NSD2: variants seen among roughly 807,000 people sequenced by gnomAD.
The protein encoded by NSD2 is histone-lysine N-methyltransferase NSD2.
Under a neutral mutation model 139.0 loss-of-function variants are expected in NSD2, and 12 were observed. The ratio of observed to expected loss-of-function variants is 0.09; its 90% CI spans 0.06 to 0.14. The LOEUF is 0.14. Among genes scored for constraint, NSD2 ranks in the 10% least tolerant of loss-of-function variants. The pLI, the probability that NSD2 is intolerant of heterozygous loss-of-function variation, is 1.00. For synonymous variants in NSD2, 669 were observed against 648.7 expected (o/e 1.03, Z -0.48); for missense variants, 1,155 against 1,745.0 (o/e 0.66, Z 6.02).
chr4:1,975,530 C>A (rs1443725636), intron 20 of NSD2, 130 bp downstream of exon 20: 1 of 747,896 alleles, frequency 1.3e-6, no homozygotes, highest in African/African-American at 1.7e-5. Context: ...GAGCAAGTTC[C>A]CTGCTGTGGG....
chr4:1,876,582 C>G (rs548483418), intron 1 of NSD2, among the ~76,000 whole-genome samples: 1 of 152,022 alleles, frequency 6.6e-6, no homozygotes, highest in Non-Finnish European at 1.5e-5. Context: ...GTCCCAGATA[C>G]TTGGGTGGCT....
intron 5 of NSD2, among the ~76,000 whole-genome samples, chr4:1,926,582 C>T (rs1027451664): frequency 1.3e-5 from 2 of 151,784 alleles, no homozygotes; most frequent in African/African-American, 4.8e-5. Context: ...GCGATCCTCC[C>T]CCCTCAGCCT....
In NSD2 at chr4:1,961,016, A is replaced by G. The variant is rs1253193200; in HGVS notation, c.3256-19A>G. 1 of 1,605,574 alleles carries G rather than the reference A, an allele frequency of 6.2e-7. No homozygotes were observed. On this transcript the variant is annotated intron_variant, in intron 17 of 21. Coordinates refer to ENST00000508803, the MANE Select transcript of NSD2 (RefSeq NM_001042424.3). ...GGTCAGCACGCTTTTTGTCATGGCC[A>G]CATGCTTGTGATTTCCAGGGAGAAT...
In NSD2 at chr4:1,878,163, C is replaced by T. The variant is rs149588380; in HGVS notation, c.-30+6621C>T. On this transcript the variant is annotated intron_variant, in intron 1 of 21. Coordinates refer to ENST00000508803, the MANE Select transcript of NSD2 (RefSeq NM_001042424.3). ...ACAACCTCTGCTTCCTGGGTTCAAG[C>T]GGTTCTCCTGCCTCAGCCTCCCAAG... 5.6e-3 allele frequency among the ~76,000 whole-genome samples: 803 copies of T among 143,562 alleles called. 7 individuals carry two copies. The highest frequency in any genetic ancestry group is 0.019 in the African/African-American group (758 of 38,996). The allele number at this position is 143,562 out of a possible 152,430, so 94.2% of individuals were successfully genotyped here. A position where few individuals can be genotyped will look rare whatever the true frequency, so the allele number is the denominator to read the frequency against.
At chr4:1,878,272 T>A (rs1431084845) in intron 1 of NSD2, among the ~76,000 whole-genome samples, 31 of 125,688 alleles carry the variant, frequency 2.5e-4, no homozygotes, top group African/African-American at 8.9e-4. Flanking sequence ...TTTTTTTTTT[T>A]TTTTTTTTTT....
chr4:1,930,505 T>C, intron 5 of NSD2, 121 bp from the exon 6 acceptor site: 3 of 1,039,064 alleles, frequency 2.9e-6, no homozygotes, highest in South Asian at 2.2e-5. Context: ...AGTTCCACGA[T>C]GTGGGAATAA....
At chr4:1,889,749 C>T (rs1161223792) in intron 1 of NSD2, among the ~76,000 whole-genome samples, 1 of 152,112 alleles carries the variant, frequency 6.6e-6, no homozygotes, top group African/African-American at 2.4e-5. Flanking sequence ...TCAGGTGATA[C>T]ACCCGCCTTG....
chr4:1,945,391 TGTGTGTGTCCAGAG>T, intron 9 of NSD2: 2 of 1,038,428 alleles, frequency 1.9e-6, no homozygotes, highest in Non-Finnish European at 2.3e-6. Context: ...TTGCCCATGG[TGTGTGTGTCCAGAG>T]GTGTGTGTGA....
chr4:1,960,543 A>G (rs1442882311), intron 17 of NSD2, among the ~76,000 whole-genome samples: 1 of 152,230 alleles, frequency 6.6e-6, no homozygotes, highest in African/African-American at 2.4e-5. Flanking sequence ...GGTCCATACC[A>G]GGGCTGACCC....
chr4:1,887,636 TA>T (rs1180280376), intron 1 of NSD2: 3 of 152,520 alleles, frequency 2.0e-5, no homozygotes, highest in Non-Finnish European at 4.4e-5. Context: ...CGTGAGCCAC[TA>T]CACCTGGCTA....
chr4:1,882,480 G>C (rs895027832), intron 1 of NSD2, among the ~76,000 whole-genome samples: 1 of 152,116 alleles, frequency 6.6e-6, no homozygotes, highest in Non-Finnish European at 1.5e-5. Context: ...TGGCTAACAC[G>C]GTGAAACCCC....
At chr4:1,892,435 A>G (rs1244081590) in intron 1 of NSD2, among the ~76,000 whole-genome samples, 1 of 152,238 alleles carries the variant, frequency 6.6e-6, no homozygotes, top group African/African-American at 2.4e-5. Flanking sequence ...TTAACGTGTC[A>G]GGTAATACTG....
chr4:1,877,377 G>A (rs987162861), intron 1 of NSD2, among the ~76,000 whole-genome samples: 53 of 152,084 alleles, frequency 3.5e-4, no homozygotes, highest in African/African-American at 1.2e-3. Flanking sequence ...CTGCCCATTG[G>A]GGTTCAAGAC....
intron 6 of NSD2, among the ~76,000 whole-genome samples, chr4:1,932,871 T>C (rs547596290): frequency 8.6e-4 from 131 of 152,310 alleles, no homozygotes; most frequent in Non-Finnish European, 1.5e-3. Flanking sequence ...GGATGTGCTG[T>C]GTCAAGGACC....
chr4:1,878,088 TCTAA>T (rs1363885119), intron 1 of NSD2, among the ~76,000 whole-genome samples: 1 of 149,712 alleles, frequency 6.7e-6, no homozygotes, highest in East Asian at 1.9e-4. Flanking sequence ...TGAGACGGAG[TCTAA>T]CTCTGTCACC....
chr4:1,895,606 AC>A (rs1349565394), intron 1 of NSD2, among the ~76,000 whole-genome samples: 1 of 151,890 alleles, frequency 6.6e-6, no homozygotes, highest in Non-Finnish European at 1.5e-5. Context: ...CCTGTAGAAG[AC>A]CTTCCATACT....
intron 21 of NSD2, 60 bp from the exon 22 acceptor site, chr4:1,978,578 A>G (rs1727380900): frequency 1.3e-6 from 2 of 1,546,278 alleles, no homozygotes; most frequent in African/African-American, 1.4e-5. Context: ...TTCAACCACG[A>G]TAATGTTGAA....
chr4:1,950,587 C>T (rs964157780), intron 9 of NSD2, among the ~76,000 whole-genome samples: 7 of 152,224 alleles, frequency 4.6e-5, no homozygotes, highest in East Asian at 1.9e-4. Context: ...GTCTCCACCC[C>T]GGCGGCAGCT....
intron 16 of NSD2, 27 bp from the exon 17 acceptor site, chr4:1,959,444 C>A: frequency 6.2e-7 from 1 of 1,605,574 alleles, no homozygotes; most frequent in Non-Finnish European, 8.5e-7. Context: ...CATGTGTGGA[C>A]CAAGACAGCT....
Sources: allele counts gnomAD v4.1 joint callset (sites outside exome capture counted in the v4.1 genomes callset), GRCh38; gene constraint gnomAD v4.1.1; transcripts MANE v1.5; gene names NCBI Gene and HGNC (gene_info 2026-07-23, HGNC 2026-07-21).